Variants in N4BP2L1 observed in about 807,000 individuals in gnomAD.
N4BP2L1 encodes NEDD4-binding protein 2-like 1.
N4BP2L1 carries 12 observed loss-of-function variants against 21.2 expected under a neutral mutation model. The observed-to-expected ratio is 0.57, with a 90% CI of 0.36 to 0.92. N4BP2L1 has a LOEUF of 0.92. Ranked by LOEUF, N4BP2L1 falls within the 40% of genes least tolerant of loss-of-function variation. The pLI is 0.01. For missense variants in N4BP2L1, 259 were observed against 310.6 expected (o/e 0.83, Z 1.25); for synonymous variants, 104 against 112.8 (o/e 0.92, Z 0.49).
chr13:32,412,435 T>C (rs1051091409), intron 1 of N4BP2L1, among the ~76,000 whole-genome samples: 3 of 149,604 alleles, frequency 2.0e-5, no homozygotes, highest in Non-Finnish European at 3.0e-5. Flanking sequence ...GAGACCAGCC[T>C]GGCCAACACG....
In N4BP2L1 at chr13:32,404,325, C is replaced by T; in HGVS notation, c.469G>A (p.Ala157Thr). Residue 157 changes from alanine (A) to threonine (T), a missense_variant, in exon 4 of 5, where the codon GCA becomes ACA. Around this residue, in one of 3 missense-constraint regions of N4BP2L1, gnomAD observed 91 missense variants for 148.1 expected, o/e 0.61. Transcript: ENST00000380130. ...ACTAGAAAAACAAAGAAGTACCTTGCTAACTCTTGAACGTTGAATTTCCAG... is the reference window on the plus strand; with the variant it reads ...ACTAGAAAAACAAAGAAGTACCTTGTTAACTCTTGAACGTTGAATTTCCAG... ...TRWKFNVQEL[A>T]RRNIHGVSRE... The T allele has an allele frequency of 6.2e-7, 1 of 1,613,348 alleles. No individual in the cohort carries two copies. The highest frequency in any genetic ancestry group is 2.2e-5 in the East Asian group (1 of 44,852).
rs1040205984 is a variant in N4BP2L1 at position 32,402,178 on chromosome 13, T to G, written c.*764A>C. 2.4e-5 allele frequency: 24 copies of G among 984,528 alleles called. No homozygotes were observed. The African/African-American group carries it at 3.5e-4, about 14-fold the overall frequency. The allele number at this position is 984,528 out of a possible 1,614,324, so 61.0% of individuals were successfully genotyped here. On this transcript the variant is annotated 3_prime_UTR_variant, in exon 5 of 5. Coordinates refer to ENST00000380130, the MANE Select transcript of N4BP2L1 (RefSeq NM_052818.3). ...AGTTAGTGTTTTATGAAGGCAGGCTTATTTTATTTACACTATTAGCACAAC... is the reference window on the plus strand; with the variant it reads ...AGTTAGTGTTTTATGAAGGCAGGCTGATTTTATTTACACTATTAGCACAAC...
At chr13:32,425,877 G>A (rs929500640) in intron 1 of N4BP2L1, 2 of 152,106 alleles carry the variant, frequency 1.3e-5, no homozygotes, top group Non-Finnish European at 2.9e-5. Context: ...ACTGACCAAA[G>A]TCGCCAGCTA....
chr13:32,407,789 TGA>T lies in N4BP2L1; in HGVS notation c.180-19_180-18del, dbSNP rs771366669. 1.7e-5 allele frequency: 26 copies of T among 1,563,724 alleles called. No homozygotes were observed. The highest frequency in any genetic ancestry group is 3.7e-5 in the South Asian group (3 of 82,138). On this transcript the variant is annotated intron_variant, in intron 1 of 4. Transcript: ENST00000380130. Reference sequence around the variant, plus strand: ...TGCAATTGTCTGGAAAGTGGAGAAATGAGAGAGAGAGATGTTTTAAATATATG... The same window carrying T: ...TGCAATTGTCTGGAAAGTGGAGAAATGAGAGAGAGATGTTTTAAATATATG...
At position 32,400,945 on chromosome 13, in the gene N4BP2L1, C is replaced by G. The variant is rs942392153; in HGVS notation, c.*1997G>C. 2 of 152,048 alleles carry G rather than the reference C, an allele frequency of 1.3e-5. No homozygotes were observed. The highest frequency in any genetic ancestry group is 2.4e-5 in the African/African-American group (1 of 41,376). 9.4% of individuals were successfully genotyped at this position (152,048 alleles called of 1,614,324 possible). Reference sequence around the variant, plus strand: ...GCATTTAATCAATTTTTATGGTTTACAAACCAAATATTTCAGGGGTCAGCT... The same window carrying G: ...GCATTTAATCAATTTTTATGGTTTAGAAACCAAATATTTCAGGGGTCAGCT... On this transcript the variant is annotated 3_prime_UTR_variant, in exon 5 of 5. Transcript: ENST00000380130.
intron 3 of N4BP2L1, chr13:32,406,785 G>A (rs776532104): frequency 1.9e-5 from 3 of 158,334 alleles, no homozygotes; most frequent in Non-Finnish European, 4.2e-5. Context: ...TCTGTCTTTA[G>A]ACTAAAATAT....
Position 32,405,892 on chromosome 13 carries a change from C to CCTT in N4BP2L1, c.396+1357_396+1358insAAG, listed in dbSNP as rs2073452557. Among the ~76,000 whole-genome samples the CCTT allele has an allele frequency of 2.0e-5, 2 of 101,192 alleles. 1 individual carries two copies. Among genetic ancestry groups the CCTT allele is most frequent in the Non-Finnish European group, 3.7e-5 (2 of 54,222 alleles). The allele number at this position is 101,192 out of a possible 152,430, so 66.4% of individuals were successfully genotyped here. On this transcript the variant is annotated intron_variant, in intron 3 of 4. Transcript: ENST00000380130. Reference sequence around the variant, plus strand: ...TACTCCACTATCTGCTTCCTGCCCCCTTTTTTTTTTTTTTTTTTTTTTTTT... The same window carrying CCTT: ...TACTCCACTATCTGCTTCCTGCCCCCCTTTTTTTTTTTTTTTTTTTTTTTTTTT...
intron 1 of N4BP2L1, 44 bp downstream of exon 1, chr13:32,427,860 G>A (rs1160181587): frequency 4.7e-6 from 6 of 1,279,130 alleles, no homozygotes; most frequent in East Asian, 3.1e-5. Flanking sequence ...GGGGCGTTTG[G>A]TGGCCCCGGG....
At chr13:32,413,055 C>G (rs2073947814) in intron 1 of N4BP2L1, among the ~76,000 whole-genome samples, 3 of 151,946 alleles carry the variant, frequency 2.0e-5, no homozygotes, top group African/African-American at 4.8e-5. Context: ...TCCCAAGAAG[C>G]TGGGATTATA....
At chr13:32,427,603 G>A (rs1174395583) in intron 1 of N4BP2L1, among the ~76,000 whole-genome samples, 1 of 152,184 alleles carries the variant, frequency 6.6e-6, no homozygotes, top group Non-Finnish European at 1.5e-5. Context: ...GCGAGGCGCA[G>A]TACGGGAATC....
Position 32,427,823 on chromosome 13 carries a change from C to T in N4BP2L1, c.179+81G>A, listed in dbSNP as rs3213516. ...CGGGGGCGCAAGCGGCGCCCGGGAG[C>T]GGCTTGGGGCAGGGGTGCGCTCGGC... On this transcript the variant is annotated intron_variant, in intron 1 of 4. Transcript: ENST00000380130. 482 of 968,984 alleles carry T rather than the reference C, an allele frequency of 5.0e-4. 6 individuals carry two copies. In the East Asian group the frequency reaches 0.013, roughly 26 times the overall value. 60.0% of individuals were successfully genotyped at this position (968,984 alleles called of 1,614,324 possible). A position where few individuals can be genotyped will look rare whatever the true frequency, so the allele number is the denominator to read the frequency against.
Position 32,401,846 on chromosome 13 carries a change from G to C in N4BP2L1, c.*1096C>G. 1.1e-5 allele frequency: 9 copies of C among 792,074 alleles called. No homozygotes were observed. Among genetic ancestry groups the C allele is most frequent in the Non-Finnish European group, 1.4e-5 (9 of 652,926 alleles). 49.1% of individuals were successfully genotyped at this position (792,074 alleles called of 1,614,324 possible). On this transcript the variant is annotated 3_prime_UTR_variant, in exon 5 of 5. Transcript: ENST00000380130. ...AAGCTGTTGGCCAACAAGAAATAGA[G>C]CATACGTCCTCTGTGGTCTTGTCTA...
In N4BP2L1 at chr13:32,401,799, T is replaced by TG. The variant is rs569859524; in HGVS notation, c.*1142_*1143insC. On this transcript the variant is annotated 3_prime_UTR_variant, in exon 5 of 5. Transcript: ENST00000380130. ...CCATTATATAAGACACTTAAAATAA[T>TG]TTTTCACAGAACATTAGAAAGAAGC... 7.3e-4 allele frequency: 294 copies of TG among 401,442 alleles called. 4 individuals are homozygous for TG. In the South Asian group the frequency reaches 0.011, roughly 15 times the overall value. The allele number at this position is 401,442 out of a possible 1,614,324, so 24.9% of individuals were successfully genotyped here. A position where few individuals can be genotyped will look rare whatever the true frequency, so the allele number is the denominator to read the frequency against.
At chr13:32,419,861 C>T (rs754126343) in intron 1 of N4BP2L1, among the ~76,000 whole-genome samples, 17 of 152,238 alleles carry the variant, frequency 1.1e-4, no homozygotes, top group Non-Finnish European at 1.5e-4. Context: ...ATGCTACTGA[C>T]ATTCTTCTTG....
At position 32,402,624 on chromosome 13, in the gene N4BP2L1, T is replaced by C. The variant is rs2073210057; in HGVS notation, c.*318A>G. On this transcript the variant is annotated 3_prime_UTR_variant, in exon 5 of 5. Transcript: ENST00000380130. ...AGCAAATGGTACTGAAGCTTATATA[T>C]AATATAAACACTTTATTTCATCTAT... The C allele has an allele frequency of 9.5e-7, 1 of 1,052,126 alleles. No individual in the cohort carries two copies. Among genetic ancestry groups the C allele is most frequent in the South Asian group, 4.0e-5 (1 of 24,964 alleles). The allele number at this position is 1,052,126 out of a possible 1,614,324, so 65.2% of individuals were successfully genotyped here. A position where few individuals can be genotyped will look rare whatever the true frequency, so the allele number is the denominator to read the frequency against.
intron 4 of N4BP2L1, 36 bp from the exon 5 acceptor site, chr13:32,403,236 A>C (rs754022359): frequency 1.3e-6 from 2 of 1,552,292 alleles, no homozygotes; most frequent in Non-Finnish European, 1.7e-6. Flanking sequence ...TTAAGGCAGG[A>C]TACCACAATG....
Position 32,402,562 on chromosome 13 carries a change from A to C in N4BP2L1, c.*380T>G. ...TCCACCTTCCCAACTTTACCGATGG[A>C]GATGAATTTCCTGAAAAAATAAATA... is the stretch of plus-strand genomic sequence containing the variant. On this transcript the variant is annotated 3_prime_UTR_variant, in exon 5 of 5. Coordinates refer to ENST00000380130, the MANE Select transcript of N4BP2L1 (RefSeq NM_052818.3). 23 of 991,632 alleles carry C rather than the reference A, an allele frequency of 2.3e-5. No homozygotes were observed. Among genetic ancestry groups the C allele is most frequent in the Non-Finnish European group, 2.8e-5 (23 of 834,348 alleles). 61.4% of individuals were successfully genotyped at this position (991,632 alleles called of 1,614,324 possible).
chr13:32,418,613 G>A (rs1406276235), intron 1 of N4BP2L1, among the ~76,000 whole-genome samples: 5 of 152,226 alleles, frequency 3.3e-5, no homozygotes, highest in Non-Finnish European at 5.9e-5. Flanking sequence ...ACAGCTTGCA[G>A]CTTGTGCCTG....
In N4BP2L1 at chr13:32,401,217, G is replaced by A. The variant is rs952926174; in HGVS notation, c.*1725C>T. On this transcript the variant is annotated 3_prime_UTR_variant, in exon 5 of 5. Coordinates refer to ENST00000380130, the MANE Select transcript of N4BP2L1 (RefSeq NM_052818.3). ...ATTTCTCCCCTCTACCAGCCCAGACGAGTCAAGCCATCCATATTGAGCTGG... is the reference window on the plus strand; with the variant it reads ...ATTTCTCCCCTCTACCAGCCCAGACAAGTCAAGCCATCCATATTGAGCTGG... 4 of 152,100 alleles carry A rather than the reference G, an allele frequency of 2.6e-5. No homozygotes were observed. Among genetic ancestry groups the A allele is most frequent in the African/African-American group, 4.8e-5 (2 of 41,374 alleles). The allele number at this position is 152,100 out of a possible 1,614,324, so 9.4% of individuals were successfully genotyped here.
Sources: gnomAD v4.1 joint callset for allele counts (sites outside exome capture counted in the v4.1 genomes callset) on GRCh38, gnomAD v4.1.1 for gene constraint, gnomAD v4.1.1 regional missense constraint, MANE v1.5 for transcripts, NCBI Gene and HGNC (gene_info 2026-07-23, HGNC 2026-07-21) for gene names.